Variants in PAFAH1B1 observed in about 807,000 individuals in gnomAD.
The protein encoded by PAFAH1B1 is platelet activating factor acetylhydrolase 1b regulatory subunit 1.
PAFAH1B1 carries 2 observed loss-of-function variants against 57.5 expected under a neutral mutation model. The observed-to-expected ratio is 0.03, with a 90% confidence interval of 0.01 to 0.11. The LOEUF is 0.11. PAFAH1B1 is among the 10% of genes least tolerant of loss of function. The probability of loss-of-function intolerance (pLI) is 1.00; values close to 1 mark genes in which losing one functional copy is unlikely to be tolerated. For synonymous variants in PAFAH1B1, 152 were observed against 169.6 expected (o/e 0.90, Z 0.81); for missense variants, 257 against 512.0 (o/e 0.50, Z 4.81).
intron 8 of PAFAH1B1, among the ~76,000 whole-genome samples, chr17:2,675,065 G>C (rs1022657749): frequency 2.6e-5 from 4 of 152,010 alleles, no homozygotes; most frequent in African/African-American, 9.7e-5. Flanking sequence ...ACAGTAGCGT[G>C]ATCTCGGCTC....
intron 1 of PAFAH1B1, among the ~76,000 whole-genome samples, chr17:2,612,186 ATGTGCC>A: frequency 6.6e-6 from 1 of 150,772 alleles, no homozygotes; most frequent in Middle Eastern, 3.5e-3. Flanking sequence ...TATTGAATAA[ATGTGCC>A]ATTTTGGGAA....
chr17:2,648,083 G>A (rs1268606060), intron 2 of PAFAH1B1, among the ~76,000 whole-genome samples: 2 of 152,156 alleles, frequency 1.3e-5, no homozygotes, highest in African/African-American at 4.8e-5. Context: ...CCTCAGGAAA[G>A]TTAAAATAAT....
rs563924899 is a variant in PAFAH1B1, at chr17:2,666,922, A to G, written c.193-70A>G. On this transcript the variant is annotated intron_variant, in intron 4 of 10. Transcript: ENST00000397195. ...ACATACATAGTTGCAAAATAAAGGCAGTTTTTTAAAATGTCACATGCTATT... is the reference window on the plus strand; with the variant it reads ...ACATACATAGTTGCAAAATAAAGGCGGTTTTTTAAAATGTCACATGCTATT... The G allele has an allele frequency of 1.4e-5, 17 of 1,176,008 alleles. No homozygotes were observed. In the African/African-American group the frequency reaches 2.1e-4, roughly 15 times the overall value. 72.8% of individuals were successfully genotyped at this position (1,176,008 alleles called of 1,614,324 possible). A position where few individuals can be genotyped will look rare whatever the true frequency, so the allele number is the denominator to read the frequency against.
At chr17:2,598,126 G>T (rs1373595366) in intron 1 of PAFAH1B1, among the ~76,000 whole-genome samples, 1 of 152,088 alleles carries the variant, frequency 6.6e-6, no homozygotes, top group Non-Finnish European at 1.5e-5. Context: ...GCGCACACCT[G>T]TAGTTCCAGC....
At chr17:2,643,566 T>C (rs1470931632) in intron 2 of PAFAH1B1, among the ~76,000 whole-genome samples, 5 of 145,928 alleles carry the variant, frequency 3.4e-5, no homozygotes, top group African/African-American at 7.6e-5. Flanking sequence ...TTTTTTTTTT[T>C]CTCTTCCCCC....
intron 2 of PAFAH1B1, among the ~76,000 whole-genome samples, chr17:2,654,406 CCT>C (rs2068909207): frequency 6.6e-6 from 1 of 150,630 alleles, no homozygotes; most frequent in African/African-American, 2.4e-5. Context: ...CTCAAACTGA[CCT>C]CAGGTGATCG....
intron 6 of PAFAH1B1, among the ~76,000 whole-genome samples, chr17:2,670,923 T>G (rs2069172770): frequency 1.3e-5 from 2 of 152,274 alleles, no homozygotes; most frequent in South Asian, 4.1e-4. Context: ...ACCAGAGTCA[T>G]AGAGTTGTCA....
chr17:2,637,445 A>G (rs575423767), intron 1 of PAFAH1B1, among the ~76,000 whole-genome samples: 13 of 152,094 alleles, frequency 8.5e-5, no homozygotes, highest in Non-Finnish European at 1.8e-4. Flanking sequence ...TTAGCTGGGC[A>G]TGGTGGTGTG....
chr17:2,603,098 C>G (rs1261693502), intron 1 of PAFAH1B1, among the ~76,000 whole-genome samples: 2 of 152,240 alleles, frequency 1.3e-5, no homozygotes, highest in Non-Finnish European at 2.9e-5. Context: ...TCCTGCTGTC[C>G]TCTCTGTCTA....
intron 1 of PAFAH1B1, among the ~76,000 whole-genome samples, chr17:2,601,477 T>C (rs1026064691): frequency 2.0e-5 from 3 of 152,000 alleles, no homozygotes; most frequent in Non-Finnish European, 4.4e-5. Flanking sequence ...CTCCCAATCT[T>C]GTTGCCCAGG....
chr17:2,649,758 A>C (rs954302500), intron 2 of PAFAH1B1, among the ~76,000 whole-genome samples: 2 of 152,186 alleles, frequency 1.3e-5, no homozygotes, highest in African/African-American at 4.8e-5. Flanking sequence ...GATCTTAAAA[A>C]TCATTTGGAA....
chr17:2,593,969 C>A lies in PAFAH1B1; in HGVS notation c.-228C>A, dbSNP rs1371582020. ...CCCGCCGGTGGATGGGAGTGAAGGA[C>A]GGAAGAGGCCCTGCGGAGGCGGCGG... On this transcript the variant is annotated 5_prime_UTR_variant, in exon 1 of 11. Coordinates refer to ENST00000397195, the MANE Select transcript of PAFAH1B1 (RefSeq NM_000430.4). The A allele has an allele frequency of 5.2e-6, 2 of 386,018 alleles. No individual in the cohort carries two copies. The highest frequency in any genetic ancestry group is 9.1e-6 in the Non-Finnish European group (2 of 218,740). 23.9% of individuals were successfully genotyped at this position (386,018 alleles called of 1,614,324 possible).
chr17:2,594,843 C>G (rs116253292), intron 1 of PAFAH1B1, among the ~76,000 whole-genome samples: 134 of 152,354 alleles, frequency 8.8e-4, no homozygotes, highest in African/African-American at 3.1e-3. Context: ...CATATTTACC[C>G]TCTTTAGCCT....
At chr17:2,634,744 C>G (rs760362577) in intron 1 of PAFAH1B1, among the ~76,000 whole-genome samples, 2 of 152,010 alleles carry the variant, frequency 1.3e-5, no homozygotes, top group Non-Finnish European at 2.9e-5. Flanking sequence ...TATTTTGTGG[C>G]CTGTTTGCTT....
intron 1 of PAFAH1B1, among the ~76,000 whole-genome samples, chr17:2,631,382 C>G (rs537189305): frequency 3.6e-4 from 55 of 152,158 alleles, no homozygotes; most frequent in Non-Finnish European, 6.9e-4. Flanking sequence ...TGAGTTCTGG[C>G]CAGGAGGCTT....
At chr17:2,655,183 A>G (rs868505956) in intron 2 of PAFAH1B1, among the ~76,000 whole-genome samples, 3,772 of 143,828 alleles carry the variant, frequency 0.026, 162 homozygotes, top group African/African-American at 0.089. Flanking sequence ...ATATACATAT[A>G]TGTGTGTGTG....
intron 2 of PAFAH1B1, among the ~76,000 whole-genome samples, chr17:2,659,959 A>G (rs2068993023): frequency 6.6e-6 from 1 of 152,194 alleles, no homozygotes; most frequent in East Asian, 1.9e-4. Context: ...TTCTCTCCCA[A>G]GACTATATAG....
intron 1 of PAFAH1B1, among the ~76,000 whole-genome samples, chr17:2,604,077 T>G (rs1334805702): frequency 1.3e-5 from 2 of 149,242 alleles, no homozygotes; most frequent in African/African-American, 5.0e-5. Context: ...GTTGAGGTCT[T>G]GTCGCCCAGG....
chr17:2,666,139 C>A, intron 4 of PAFAH1B1, 49 bp downstream of exon 4: 1 of 1,315,540 alleles, frequency 7.6e-7, no homozygotes, highest in Non-Finnish European at 1.0e-6. Context: ...GTTATATAAA[C>A]TTTCTGAAAA....
Sources: gnomAD v4.1 joint callset for allele counts (sites outside exome capture counted in the v4.1 genomes callset) on GRCh38, gnomAD v4.1.1 for gene constraint, MANE v1.5 for transcripts, NCBI Gene and HGNC (gene_info 2026-07-23, HGNC 2026-07-21) for gene names.